SKAP2: variants seen among roughly 807,000 people sequenced by gnomAD.
SKAP2 encodes src kinase associated phosphoprotein 2.
In SKAP2, 28 loss-of-function variants were observed where a neutral mutation model predicts 54.9. The ratio of observed to expected loss-of-function variants is 0.51; its 90% CI spans 0.38 to 0.70. The LOEUF (loss-of-function observed/expected upper bound fraction) is 0.70, where lower values mean the gene tolerates loss of function less well. Among genes scored for constraint, SKAP2 ranks in the 30% least tolerant of loss-of-function variants. The probability of loss-of-function intolerance (pLI) is 0.00; values close to 1 mark genes in which losing one functional copy is unlikely to be tolerated. For synonymous variants in SKAP2, 137 were observed against 134.3 expected (o/e 1.02, Z -0.14); for missense variants, 356 against 424.1 (o/e 0.84, Z 1.41).
chr7:26,792,431 A>G (rs1157185268), intron 4 of SKAP2, among the ~76,000 whole-genome samples: 2 of 152,214 alleles, frequency 1.3e-5, no homozygotes, highest in African/African-American at 2.4e-5. Flanking sequence ...TCATTTCTAT[A>G]TATCTCACAT....
chr7:26,714,700 A>G (rs1274564589), intron 9 of SKAP2, among the ~76,000 whole-genome samples: 2 of 151,836 alleles, frequency 1.3e-5, no homozygotes, highest in African/African-American at 4.8e-5. Context: ...GAAGCTTGAT[A>G]CTCTCTTGCT....
chr7:26,857,065 T>G (rs1265017128), intron 1 of SKAP2, among the ~76,000 whole-genome samples: 1 of 151,490 alleles, frequency 6.6e-6, no homozygotes, highest in Non-Finnish European at 1.5e-5. Context: ...GTTACTATTT[T>G]ATGACAAAGT....
At chr7:26,735,943 C>G (rs773436190) in intron 6 of SKAP2, among the ~76,000 whole-genome samples, 1 of 151,842 alleles carries the variant, frequency 6.6e-6, no homozygotes, top group Non-Finnish European at 1.5e-5. Flanking sequence ...GAAAAAAGAA[C>G]CACAAGAAAC....
At chr7:26,761,570 G>A (rs1325917510) in intron 4 of SKAP2, among the ~76,000 whole-genome samples, 2 of 152,180 alleles carry the variant, frequency 1.3e-5, no homozygotes, top group Non-Finnish European at 2.9e-5. Flanking sequence ...AGGAAGCTGA[G>A]GCACAGAATG....
intron 4 of SKAP2, among the ~76,000 whole-genome samples, chr7:26,830,028 G>A (rs1446137025): frequency 2.6e-5 from 4 of 152,004 alleles, no homozygotes; most frequent in African/African-American, 9.7e-5. Flanking sequence ...AACAAAAGGT[G>A]GCACATCCAC....
At chr7:26,725,600 G>C (rs755479250) in intron 8 of SKAP2, 35 bp from the exon 9 acceptor site, 3 of 1,507,566 alleles carry the variant, frequency 2.0e-6, no homozygotes, top group African/African-American at 2.8e-5. Context: ...AATTTTAAAA[G>C]AATGCAGAAG....
At chr7:26,710,335 TA>T (rs914911742) in intron 9 of SKAP2, among the ~76,000 whole-genome samples, 22 of 152,188 alleles carry the variant, frequency 1.4e-4, no homozygotes, top group African/African-American at 5.3e-4. Flanking sequence ...TATCAACATT[TA>T]AAATGTCACG....
At chr7:26,767,445 T>A (rs1299095174) in intron 4 of SKAP2, among the ~76,000 whole-genome samples, 2 of 152,198 alleles carry the variant, frequency 1.3e-5, no homozygotes, top group African/African-American at 4.8e-5. Context: ...TTTGAAGGGT[T>A]TTTTGTGTCT....
intron 11 of SKAP2, among the ~76,000 whole-genome samples, chr7:26,677,307 G>A (rs1293267108): frequency 6.6e-6 from 1 of 151,266 alleles, no homozygotes; most frequent in Non-Finnish European, 1.5e-5. Flanking sequence ...CAGGAGAAAT[G>A]CTTGAACCCG....
intron 4 of SKAP2, among the ~76,000 whole-genome samples, chr7:26,750,274 A>C (rs1012546144): frequency 2.6e-5 from 4 of 151,130 alleles, no homozygotes; most frequent in Non-Finnish European, 4.4e-5. Flanking sequence ...TATATACCAT[A>C]TACCTAATAT....
chr7:26,798,157 A>G (rs12333690), intron 4 of SKAP2, among the ~76,000 whole-genome samples: 11,785 of 152,148 alleles, frequency 0.077, 584 homozygotes, highest in Middle Eastern at 0.16. Context: ...CCAAAGACCA[A>G]GGATAAAGAA....
At chr7:26,777,246 C>T (rs1422656513) in intron 4 of SKAP2, among the ~76,000 whole-genome samples, 1 of 152,002 alleles carries the variant, frequency 6.6e-6, no homozygotes, top group East Asian at 1.9e-4. Flanking sequence ...CTGAATACGA[C>T]AGAAAAAGAC....
intron 1 of SKAP2, among the ~76,000 whole-genome samples, chr7:26,856,617 G>A (rs1391805): frequency 0.76 from 115,653 of 152,106 alleles, 44,257 homozygotes; most frequent in East Asian, 0.96. Flanking sequence ...TGGATATTTC[G>A]ATATTAGCTG....
At chr7:26,719,453 A>G (rs1787531347) in intron 9 of SKAP2, among the ~76,000 whole-genome samples, 1 of 152,206 alleles carries the variant, frequency 6.6e-6, no homozygotes. Context: ...AATTCCAGAC[A>G]GCCCTGGAAT....
chr7:26,852,990 T>C (rs1785078778), intron 3 of SKAP2, among the ~76,000 whole-genome samples: 1 of 152,188 alleles, frequency 6.6e-6, no homozygotes, highest in Non-Finnish European at 1.5e-5. Flanking sequence ...TTAGGATTTC[T>C]TGTAGAGCAC....
At chr7:26,740,011 T>G in intron 4 of SKAP2, 47 bp from the exon 5 acceptor site, 1 of 1,233,818 alleles carries the variant, frequency 8.1e-7, no homozygotes, top group Non-Finnish European at 1.2e-6. Context: ...GGTAATCCAT[T>G]TCAGAATAAA....
At chr7:26,691,013 C>T (rs1786769259) in intron 9 of SKAP2, among the ~76,000 whole-genome samples, 1 of 152,122 alleles carries the variant, frequency 6.6e-6, no homozygotes, top group Non-Finnish European at 1.5e-5. Context: ...GTGTCATATA[C>T]AATGCTGGAT....
intron 2 of SKAP2, 92 bp downstream of exon 2, chr7:26,854,693 T>A: frequency 2.3e-6 from 3 of 1,298,670 alleles, no homozygotes; most frequent in Non-Finnish European, 3.1e-6. Context: ...ACATGAAAAA[T>A]TTAACTCCAT....
At chr7:26,833,712 A>T (rs1485550717) in intron 4 of SKAP2, among the ~76,000 whole-genome samples, 1 of 152,176 alleles carries the variant, frequency 6.6e-6, no homozygotes. Context: ...GAGCACCCAG[A>T]TTCATAAAGC....
Sources: gnomAD v4.1 joint callset for allele counts (sites outside exome capture counted in the v4.1 genomes callset) on GRCh38, gnomAD v4.1.1 for gene constraint, MANE v1.5 for transcripts, NCBI Gene and HGNC (gene_info 2026-07-23, HGNC 2026-07-21) for gene names.